Variants in MAPKAPK5 observed in about 807,000 individuals in gnomAD.
The protein encoded by MAPKAPK5 is MAPK activated protein kinase 5.
Under a neutral mutation model 65.1 loss-of-function variants are expected in MAPKAPK5, and 30 were observed. That is an observed-to-expected ratio of 0.46 (90% CI 0.34 to 0.63). The LOEUF (loss-of-function observed/expected upper bound fraction) is 0.63. Among genes scored for constraint, MAPKAPK5 ranks in the 20% least tolerant of loss-of-function variants. The pLI, the probability that MAPKAPK5 is intolerant of heterozygous loss-of-function variation, is 0.01. For missense variants in MAPKAPK5, 433 were observed against 581.4 expected, an observed-to-expected ratio of 0.74 and a Z score of 2.63; for synonymous variants, 179 against 204.6, an observed-to-expected ratio of 0.87 and a Z score of 1.07.
intron 12 of MAPKAPK5, chr12:111,889,332 G>A (rs1048000646): frequency 3.9e-6 from 1 of 256,174 alleles, no homozygotes; most frequent in African/African-American, 2.2e-5. Context: ...ATGGAGAATG[G>A]AAAATGTGGG....
At chr12:111,889,958 ACAT>A in intron 12 of MAPKAPK5, 79 bp from the exon 13 acceptor site, 1 of 821,734 alleles carries the variant, frequency 1.2e-6, no homozygotes, top group Non-Finnish European at 2.0e-6. Flanking sequence ...AACCAGTTGG[ACAT>A]CACGTCCCTC....
At chr12:111,845,066 G>A (rs1158750739) in intron 1 of MAPKAPK5, among the ~76,000 whole-genome samples, 3 of 152,162 alleles carry the variant, frequency 2.0e-5, no homozygotes, top group Non-Finnish European at 4.4e-5. Context: ...TATACAAATA[G>A]GGCAGCAATG....
At chr12:111,856,268 G>GT (rs911984074) in intron 1 of MAPKAPK5, among the ~76,000 whole-genome samples, 28 of 151,586 alleles carry the variant, frequency 1.8e-4, no homozygotes, top group Non-Finnish European at 2.5e-4. Flanking sequence ...AATTCATTTA[G>GT]TTTTTTTTAT....
In MAPKAPK5 at chr12:111,842,732, G is replaced by C. The variant is rs745852465; in HGVS notation, c.-2G>C. ...CTCCCGGCTGTGGGGGCCCCACTGA[G>C]TATGTCGGAGGAGAGCGACATGGAC... On this transcript the variant is annotated 5_prime_UTR_variant, in exon 1 of 14. Transcript: ENST00000550735. The C allele has an allele frequency of 2.2e-6, 3 of 1,368,600 alleles. No individual in the cohort carries two copies. The highest frequency in any genetic ancestry group is 2.8e-6 in the Non-Finnish European group (3 of 1,055,138). The allele number at this position is 1,368,600 out of a possible 1,614,324, so 84.8% of individuals were successfully genotyped here. A position where few individuals can be genotyped will look rare whatever the true frequency, so the allele number is the denominator to read the frequency against.
chr12:111,867,769 T>C lies in MAPKAPK5; in HGVS notation c.284+100T>C, dbSNP rs1593152105. On this transcript the variant is annotated intron_variant, in intron 4 of 13. Coordinates refer to ENST00000550735, the MANE Select transcript of MAPKAPK5 (RefSeq NM_003668.4). ...TGCTCCCTCCCCTTCCCTCTCCTTC[T>C]TCCTCCTACCCTCGCTTCCTCTGCC... 7.0e-6 allele frequency: 6 copies of C among 858,810 alleles called. No individual in the cohort carries two copies. The East Asian group carries it at 1.5e-4, about 22-fold the overall frequency. The allele number at this position is 858,810 out of a possible 1,614,324, so 53.2% of individuals were successfully genotyped here. A position where few individuals can be genotyped will look rare whatever the true frequency, so the allele number is the denominator to read the frequency against.
chr12:111,901,221 T>A lies in MAPKAPK5; in HGVS notation c.*8160T>A, dbSNP rs1351406258. The stretch of plus-strand genomic sequence containing the variant: ...AAACAAAGTCTGCCTGAATTCCGCC[T>A]GCACAGATAAAACCCCAGTGATTTC... On this transcript the variant is annotated 3_prime_UTR_variant, in exon 14 of 14. Coordinates refer to ENST00000550735, the MANE Select transcript of MAPKAPK5 (RefSeq NM_003668.4). 1 of 455,916 alleles carries A rather than the reference T, an allele frequency of 2.2e-6. No homozygotes were observed. Among genetic ancestry groups the A allele is most frequent in the African/African-American group, 2.0e-5 (1 of 50,070 alleles). 28.2% of individuals were successfully genotyped at this position (455,916 alleles called of 1,614,324 possible). A position where few individuals can be genotyped will look rare whatever the true frequency, so the allele number is the denominator to read the frequency against.
At chr12:111,852,259 A>G (rs1593124992) in intron 1 of MAPKAPK5, among the ~76,000 whole-genome samples, 1 of 152,140 alleles carries the variant, frequency 6.6e-6, no homozygotes, top group Admixed American at 6.6e-5. Flanking sequence ...GTAATGTTAC[A>G]CCAGATGTGC....
At position 111,898,253 on chromosome 12, in the gene MAPKAPK5, A is replaced by G. The variant is rs1046402515; in HGVS notation, c.*5192A>G. 6 of 148,012 alleles carry G rather than the reference A, an allele frequency of 4.1e-5. No homozygotes were observed. Among genetic ancestry groups the G allele is most frequent in the Non-Finnish European group, 7.5e-5 (5 of 66,886 alleles). The allele number at this position is 148,012 out of a possible 1,614,324, so 9.2% of individuals were successfully genotyped here. A position where few individuals can be genotyped will look rare whatever the true frequency, so the allele number is the denominator to read the frequency against. Reference sequence around the variant, plus strand: ...GTGTGATCTCGGCTTACTGCAACCTACGCCTCCTGGGTTCAAGCGATTCTC... The same window carrying G: ...GTGTGATCTCGGCTTACTGCAACCTGCGCCTCCTGGGTTCAAGCGATTCTC... On this transcript the variant is annotated 3_prime_UTR_variant, in exon 14 of 14. Transcript: ENST00000550735.
Position 111,901,647 on chromosome 12 carries a change from A to G in MAPKAPK5, c.*8586A>G. The stretch of plus-strand genomic sequence containing the variant: ...GTGGCCACAGAAGAAAAAGAAGAGA[A>G]GGAGGAAGAAAAAGAAGAGGAGGAG... On this transcript the variant is annotated 3_prime_UTR_variant, in exon 14 of 14. Coordinates refer to ENST00000550735, the MANE Select transcript of MAPKAPK5 (RefSeq NM_003668.4). 3.7e-6 allele frequency: 1 copy of G among 273,198 alleles called. No homozygotes were observed. The highest frequency in any genetic ancestry group is 3.6e-5 in the South Asian group (1 of 27,956). The allele number at this position is 273,198 out of a possible 1,614,324, so 16.9% of individuals were successfully genotyped here.
intron 7 of MAPKAPK5, chr12:111,880,112 C>T (rs1194584818): frequency 3.2e-6 from 1 of 315,524 alleles, no homozygotes; most frequent in Non-Finnish European, 6.2e-6. Flanking sequence ...GCTTGAAGCT[C>T]ATCTGCTGGA....
At chr12:111,884,023 T>A (rs1042668238) in intron 9 of MAPKAPK5, among the ~76,000 whole-genome samples, 3 of 152,208 alleles carry the variant, frequency 2.0e-5, no homozygotes, top group Non-Finnish European at 4.4e-5. Flanking sequence ...ATAGGCAGTC[T>A]CTGCACATTA....
chr12:111,901,487 A>G lies in MAPKAPK5; in HGVS notation c.*8426A>G, dbSNP rs2071056612. The G allele has an allele frequency of 2.3e-6, 1 of 438,576 alleles. No homozygotes were observed. Among genetic ancestry groups the G allele is most frequent in the Non-Finnish European group, 4.5e-6 (1 of 220,760 alleles). 27.2% of individuals were successfully genotyped at this position (438,576 alleles called of 1,614,324 possible). On this transcript the variant is annotated 3_prime_UTR_variant, in exon 14 of 14. Coordinates refer to ENST00000550735, the MANE Select transcript of MAPKAPK5 (RefSeq NM_003668.4). ...ACATGATGATATTATCATTCATTAT[A>G]CTTTTTATAATATTATTATTAAGTA...
rs2070875961 is a variant in MAPKAPK5, at chr12:111,897,925, C to T, written c.*4864C>T. 6.6e-6 allele frequency: 1 copy of T among 151,156 alleles called. No individual in the cohort carries two copies. Among genetic ancestry groups the T allele is most frequent in the Admixed American group, 6.6e-5 (1 of 15,048 alleles). 9.4% of individuals were successfully genotyped at this position (151,156 alleles called of 1,614,324 possible). ...AAAAATGTAGAGTTTTATTTTTCTT[C>T]ATCTAGAATGCACAGAATAACTGCG... On this transcript the variant is annotated 3_prime_UTR_variant, in exon 14 of 14. Coordinates refer to ENST00000550735, the MANE Select transcript of MAPKAPK5 (RefSeq NM_003668.4).
chr12:111,851,841 CAG>C (rs1296854957), intron 1 of MAPKAPK5, among the ~76,000 whole-genome samples: 1 of 152,104 alleles, frequency 6.6e-6, no homozygotes, highest in Non-Finnish European at 1.5e-5. Context: ...GGATTTATGA[CAG>C]AGCTGGTTAA....
intron 1 of MAPKAPK5, among the ~76,000 whole-genome samples, chr12:111,859,565 A>G (rs542825564): frequency 1.2e-4 from 18 of 152,042 alleles, no homozygotes; most frequent in African/African-American, 2.7e-4. Context: ...TGCCCGGTCA[A>G]TTTTAAAATT....
chr12:111,891,738 CG>C (rs1566281361), intron 13 of MAPKAPK5, among the ~76,000 whole-genome samples: 21 of 149,416 alleles, frequency 1.4e-4, no homozygotes, highest in African/African-American at 4.7e-4. Context: ...ACCTGGGAGG[CG>C]GAGGTTGCAG....
Position 111,883,709 on chromosome 12 carries a change from T to G in MAPKAPK5, c.789T>G (p.Phe263Leu). ...GAAGAAAGATCATGACAGGCAGTTT[T>G]GAGTTCCCAGAGGAAGAGTGGAGTC... Reference protein sequence around the residue: ...DMRRKIMTGSFEFPEEEWSQI... With the variant: ...DMRRKIMTGSLEFPEEEWSQI... Residue 263 changes from phenylalanine (F) to leucine (L), a missense_variant, in exon 9 of 14, where the codon TTT becomes TTG. Physicochemically the swap from Phe to Leu is conservative, Grantham distance 22. Around this residue, in one of 3 missense-constraint regions of MAPKAPK5, gnomAD observed 99 missense variants for 185.8 expected, o/e 0.53. Transcript: ENST00000550735. This position sits in a 1 kb window ranked among gnomAD's most constrained non-coding sequence, Gnocchi z 4.8. The G allele has an allele frequency of 6.2e-7, 1 of 1,614,000 alleles. No homozygotes were observed. The highest frequency in any genetic ancestry group is 8.5e-7 in the Non-Finnish European group (1 of 1,179,894).
chr12:111,843,099 C>T (rs1416892961), intron 1 of MAPKAPK5: 1 of 398,652 alleles, frequency 2.5e-6, no homozygotes, highest in Admixed American at 4.4e-5. Flanking sequence ...GATCACTCCC[C>T]AAGGCCGCCA....
At chr12:111,862,800 A>G (rs1240092708) in intron 1 of MAPKAPK5, among the ~76,000 whole-genome samples, 1 of 152,210 alleles carries the variant, frequency 6.6e-6, no homozygotes, top group Non-Finnish European at 1.5e-5. Context: ...CAGTAGAACA[A>G]ATCTTATTTT....
Sources: gnomAD v4.1 joint callset for allele counts (sites outside exome capture counted in the v4.1 genomes callset) on GRCh38, gnomAD v4.1.1 for gene constraint, gnomAD v4.1.1 regional missense constraint, Gnocchi (gnomAD v3.1) non-coding constraint, MANE v1.5 for transcripts, NCBI Gene and HGNC (gene_info 2026-07-23, HGNC 2026-07-21) for gene names.